NTN4: variants seen among roughly 807,000 people sequenced by gnomAD.
NTN4 encodes netrin 4.
In NTN4, 32 loss-of-function variants were observed where a neutral mutation model predicts 73.6. The ratio of observed to expected loss-of-function variants is 0.44; its 90% confidence interval spans 0.33 to 0.58. The LOEUF (loss-of-function observed/expected upper bound fraction) is 0.58, where lower values mean the gene tolerates loss of function less well. Among genes scored for constraint, NTN4 ranks in the 20% least tolerant of loss-of-function variants. The pLI is 0.04. For missense variants in NTN4, 654 were observed against 798.3 expected (o/e 0.82, Z 2.18); for synonymous variants, 258 against 287.5 (o/e 0.90, Z 1.04).
At chr12:95,729,054 G>A (rs12369341) in intron 3 of NTN4, among the ~76,000 whole-genome samples, 56,488 of 151,882 alleles carry the variant, frequency 0.37, 12,422 homozygotes, top group Non-Finnish European at 0.5. Context: ...GCAGAACCAT[G>A]AGCCAATTAA....
intron 3 of NTN4, among the ~76,000 whole-genome samples, chr12:95,719,493 T>A (rs1214100016): frequency 6.6e-6 from 1 of 152,142 alleles, no homozygotes; most frequent in East Asian, 1.9e-4. Context: ...ACTGATTAAT[T>A]TCTAAAGAGA....
intron 2 of NTN4, among the ~76,000 whole-genome samples, chr12:95,780,361 G>A (rs1203149275): frequency 6.6e-5 from 10 of 152,100 alleles, no homozygotes; most frequent in Non-Finnish European, 1.5e-4. Context: ...GAGTGAACAG[G>A]CAATCTACAG....
intron 4 of NTN4, among the ~76,000 whole-genome samples, chr12:95,712,253 T>G (rs2078569952): frequency 6.6e-6 from 1 of 152,216 alleles, no homozygotes; most frequent in Non-Finnish European, 1.5e-5. Context: ...TCAAGTTAGT[T>G]AGTCCTTGTA....
chr12:95,710,683 G>A (rs2431012), intron 4 of NTN4, 54 bp from the exon 5 acceptor site: 186,280 of 1,524,910 alleles, frequency 0.12, 12,829 homozygotes, highest in Non-Finnish European at 0.14. Flanking sequence ...AAAATGATGG[G>A]TTATCTCATA....
chr12:95,686,393 A>G (rs2078361142), intron 5 of NTN4, among the ~76,000 whole-genome samples: 1 of 152,222 alleles, frequency 6.6e-6, no homozygotes, highest in South Asian at 2.1e-4. Context: ...ATCAGGTGGG[A>G]TCAACAAAGG....
chr12:95,722,432 C>G (rs2078655259), intron 3 of NTN4, among the ~76,000 whole-genome samples: 1 of 151,974 alleles, frequency 6.6e-6, no homozygotes, highest in South Asian at 2.1e-4. Flanking sequence ...TGGAGACCAG[C>G]CTCGGCAACA....
At chr12:95,660,130 C>T (rs1466853919) in intron 9 of NTN4, among the ~76,000 whole-genome samples, 3 of 152,234 alleles carry the variant, frequency 2.0e-5, no homozygotes, top group African/African-American at 4.8e-5. Flanking sequence ...TCTTGTGCCT[C>T]GGCTTCCCAA....
At chr12:95,737,459 G>A (rs2078786738) in intron 3 of NTN4, among the ~76,000 whole-genome samples, 1 of 152,164 alleles carries the variant, frequency 6.6e-6, no homozygotes, top group African/African-American at 2.4e-5. Context: ...TGGCTGGACA[G>A]CAAAGATACC....
intron 5 of NTN4, among the ~76,000 whole-genome samples, chr12:95,695,281 A>C (rs556091001): frequency 5.6e-4 from 86 of 152,240 alleles, no homozygotes; most frequent in Non-Finnish European, 1.1e-3. Context: ...AAGCTTTAAA[A>C]AATAAATGTA....
chr12:95,754,571 C>CGCCTTA (rs1176022037), intron 2 of NTN4, among the ~76,000 whole-genome samples: 1 of 151,370 alleles, frequency 6.6e-6, no homozygotes, highest in Non-Finnish European at 1.5e-5. Flanking sequence ...GGCCCTGCCC[C>CGCCTTA]GCCTTAACTG....
chr12:95,663,193 A>G (rs2078151994), intron 9 of NTN4, among the ~76,000 whole-genome samples: 1 of 152,220 alleles, frequency 6.6e-6, no homozygotes, highest in Non-Finnish European at 1.5e-5. Flanking sequence ...TTACTTTGAA[A>G]CTACAAATAG....
intron 2 of NTN4, among the ~76,000 whole-genome samples, chr12:95,774,496 A>G (rs1034109670): frequency 1.3e-5 from 2 of 152,238 alleles, no homozygotes; most frequent in Non-Finnish European, 2.9e-5. Flanking sequence ...AGGCATGAAC[A>G]GATTTCGCCA....
intron 3 of NTN4, among the ~76,000 whole-genome samples, chr12:95,722,082 T>C (rs929999883): frequency 6.6e-6 from 1 of 151,900 alleles, no homozygotes; most frequent in African/African-American, 2.4e-5. Flanking sequence ...TTTTTTTTTT[T>C]TTTGGTAGTA....
chr12:95,723,186 A>T (rs930529848), intron 3 of NTN4, among the ~76,000 whole-genome samples: 8 of 151,742 alleles, frequency 5.3e-5, no homozygotes, highest in African/African-American at 1.9e-4. Context: ...ATAACTGTGG[A>T]CTTTAGGTTC....
chr12:95,719,840 A>C (rs1280296662), intron 3 of NTN4, among the ~76,000 whole-genome samples: 1 of 152,186 alleles, frequency 6.6e-6, no homozygotes, highest in East Asian at 1.9e-4. Context: ...AATGGGGCAA[A>C]ATAGGTTGAA....
At chr12:95,737,516 C>T (rs2121174338) in intron 3 of NTN4, among the ~76,000 whole-genome samples, 1 of 152,240 alleles carries the variant, frequency 6.6e-6, no homozygotes, top group South Asian at 2.1e-4. Flanking sequence ...AAATCTACTC[C>T]ACAATGGTCC....
chr12:95,661,992 C>T (rs888503984), intron 9 of NTN4, among the ~76,000 whole-genome samples: 8 of 152,008 alleles, frequency 5.3e-5, no homozygotes, highest in African/African-American at 1.9e-4. Context: ...TGAAAATCAA[C>T]TGAAATTGAA....
intron 5 of NTN4, among the ~76,000 whole-genome samples, chr12:95,686,420 T>C (rs1261696298): frequency 1.3e-5 from 2 of 152,094 alleles, no homozygotes; most frequent in Non-Finnish European, 2.9e-5. Context: ...CATTTAGCGA[T>C]CTGAGCCAGT....
intron 5 of NTN4, among the ~76,000 whole-genome samples, chr12:95,687,308 T>C (rs10777719): frequency 0.34 from 51,814 of 152,122 alleles, 9,066 homozygotes; most frequent in East Asian, 0.49. Flanking sequence ...GAAAAGCAAA[T>C]GACTATAAAA....
Sources: allele counts gnomAD v4.1 joint callset (sites outside exome capture counted in the v4.1 genomes callset), GRCh38; gene constraint gnomAD v4.1.1; transcripts MANE v1.5; gene names NCBI Gene and HGNC (gene_info 2026-07-23, HGNC 2026-07-21).